The following GRM7 variants were observed in gnomAD, a reference collection of about 807,000 sequenced individuals.
GRM7 encodes metabotropic glutamate receptor 7.
Under a neutral mutation model 84.5 loss-of-function variants are expected in GRM7, and 35 were observed. The observed-to-expected ratio is 0.41, with a 90% CI of 0.32 to 0.55. GRM7 has a LOEUF of 0.55. GRM7 is among the 20% of genes least tolerant of loss of function. The probability of loss-of-function intolerance (pLI) is 0.19; values close to 1 mark genes in which losing one functional copy is unlikely to be tolerated. For synonymous variants in GRM7, 487 were observed against 455.1 expected (o/e 1.07, Z -0.89); for missense variants, 1,003 against 1,194.6 (o/e 0.84, Z 2.36).
intron 8 of GRM7, among the ~76,000 whole-genome samples, chr3:7,664,984 T>C (rs1199721613): frequency 6.6e-6 from 1 of 152,120 alleles, no homozygotes; most frequent in Non-Finnish European, 1.5e-5. Context: ...ATATTATTTA[T>C]TTTTCATTCT....
chr3:6,983,803 G>T (rs1305963759), intron 1 of GRM7, among the ~76,000 whole-genome samples: 14 of 145,872 alleles, frequency 9.6e-5, no homozygotes, highest in African/African-American at 3.5e-4. Flanking sequence ...CTTTTGTTTT[G>T]TTTTTTTTTT....
At chr3:7,006,097 G>C (rs1575121566) in intron 1 of GRM7, among the ~76,000 whole-genome samples, 1 of 152,110 alleles carries the variant, frequency 6.6e-6, no homozygotes, top group Admixed American at 6.6e-5. Context: ...CCCCCTCCTG[G>C]CTCTCCTCCA....
intron 2 of GRM7, among the ~76,000 whole-genome samples, chr3:7,191,823 A>G (rs941806425): frequency 6.6e-6 from 1 of 151,928 alleles, no homozygotes; most frequent in South Asian, 2.1e-4. Flanking sequence ...ACAAATCTTT[A>G]TGTGTGCTAA....
intron 1 of GRM7, among the ~76,000 whole-genome samples, chr3:6,887,463 GA>G (rs1448757882): frequency 8.9e-4 from 134 of 151,304 alleles, no homozygotes; most frequent in African/African-American, 3.1e-3. Context: ...TCCCACCTAT[GA>G]GTGAGAATAT....
At chr3:7,111,494 T>G (rs1306207737) in intron 1 of GRM7, among the ~76,000 whole-genome samples, 2 of 152,064 alleles carry the variant, frequency 1.3e-5, no homozygotes, top group African/African-American at 4.8e-5. Context: ...GGCAGGAGAA[T>G]GGAAGAAAGC....
At chr3:7,356,624 T>C (rs993698596) in intron 4 of GRM7, among the ~76,000 whole-genome samples, 4 of 152,074 alleles carry the variant, frequency 2.6e-5, no homozygotes, top group East Asian at 1.9e-4. Flanking sequence ...ATTTTAATAA[T>C]CAAGTAGATA....
In GRM7 at chr3:7,141,610, G is replaced by A. The variant is rs995951918; in HGVS notation, c.520-4842G>A. On this transcript the variant is annotated intron_variant, in intron 1 of 9. Transcript: ENST00000357716. The stretch of plus-strand genomic sequence containing the variant: ...AAGGCTAATAAGGAAAATTAAAAAC[G>A]TGATTATCCATGATCATGTTTAAAA... Among the ~76,000 whole-genome samples, 5 of 151,480 alleles carry A rather than the reference G, an allele frequency of 3.3e-5. No homozygotes were observed. The South Asian group carries it at 8.4e-4, about 25-fold the overall frequency.
Position 7,460,421 on chromosome 3 carries a change from G to A in GRM7, c.1376-1162G>A, listed in dbSNP as rs1309870381. 5.9e-5 allele frequency among the ~76,000 whole-genome samples: 9 copies of A among 151,888 alleles called. 1 individual carries two copies. In the East Asian group the frequency reaches 7.7e-4, roughly 13 times the overall value. Reference sequence around the variant, plus strand: ...TTTTTTATTTTCCAAACAGCAAGCTGGGGCTCACATTGGGAGAGGGTACTG... The same window carrying A: ...TTTTTTATTTTCCAAACAGCAAGCTAGGGCTCACATTGGGAGAGGGTACTG... On this transcript the variant is annotated intron_variant, in intron 6 of 9. Coordinates refer to ENST00000357716, the MANE Select transcript of GRM7 (RefSeq NM_000844.4).
chr3:7,732,663 C>T (rs548195438), intron 9 of GRM7, among the ~76,000 whole-genome samples: 7 of 152,112 alleles, frequency 4.6e-5, no homozygotes, highest in Non-Finnish European at 8.8e-5. Flanking sequence ...TTTATGAGAA[C>T]GTTCATTAGA....
At chr3:7,211,779 G>A (rs761285771) in intron 2 of GRM7, among the ~76,000 whole-genome samples, 2 of 151,946 alleles carry the variant, frequency 1.3e-5, no homozygotes, top group Non-Finnish European at 2.9e-5. Context: ...CGGACTTAAT[G>A]ACACAAATAA....
At chr3:7,671,527 T>G (rs1490637357) in intron 8 of GRM7, among the ~76,000 whole-genome samples, 2 of 151,354 alleles carry the variant, frequency 1.3e-5, no homozygotes, top group African/African-American at 4.9e-5. Context: ...GTGTGTAGCC[T>G]TAATATCATG....
At chr3:7,442,327 G>GA (rs1486827354) in intron 5 of GRM7, among the ~76,000 whole-genome samples, 1 of 152,100 alleles carries the variant, frequency 6.6e-6, no homozygotes, top group Non-Finnish European at 1.5e-5. Flanking sequence ...TTTGTATCCA[G>GA]AAACTTTGCT....
chr3:7,207,370 C>T (rs1364870447), intron 2 of GRM7, among the ~76,000 whole-genome samples: 1 of 152,180 alleles, frequency 6.6e-6, no homozygotes, highest in East Asian at 1.9e-4. Context: ...AATGACTGAG[C>T]TTGCCAAGTG....
chr3:7,673,252 A>T (rs1023912811), intron 8 of GRM7, among the ~76,000 whole-genome samples: 2 of 152,218 alleles, frequency 1.3e-5, no homozygotes, highest in East Asian at 3.9e-4. Context: ...TACAAATAAT[A>T]GCTTTTCTTG....
intron 1 of GRM7, among the ~76,000 whole-genome samples, chr3:6,960,012 G>A (rs974120928): frequency 1.3e-5 from 2 of 152,136 alleles, no homozygotes; most frequent in Admixed American, 6.5e-5. Context: ...ATTAGATTTA[G>A]GAAGTTTCTG....
At chr3:7,058,940 A>T (rs1354710641) in intron 1 of GRM7, among the ~76,000 whole-genome samples, 2 of 151,908 alleles carry the variant, frequency 1.3e-5, no homozygotes, top group African/African-American at 4.8e-5. Flanking sequence ...ACAGGCTATG[A>T]CCTAATGCTT....
chr3:7,204,762 G>A (rs962009382), intron 2 of GRM7, among the ~76,000 whole-genome samples: 8 of 152,184 alleles, frequency 5.3e-5, no homozygotes, highest in Non-Finnish European at 7.3e-5. Context: ...GGAAAATACC[G>A]GATCCAGTAC....
chr3:6,924,793 G>A (rs1405965544), intron 1 of GRM7, among the ~76,000 whole-genome samples: 1 of 152,154 alleles, frequency 6.6e-6, no homozygotes, highest in Non-Finnish European at 1.5e-5. Flanking sequence ...CACAATGTCA[G>A]TAGAAGGGAT....
intron 8 of GRM7, among the ~76,000 whole-genome samples, chr3:7,597,723 G>A (rs918077234): frequency 2.0e-5 from 3 of 152,090 alleles, no homozygotes; most frequent in Non-Finnish European, 4.4e-5. Context: ...AGATCTTAAA[G>A]TATGTTTTTT....
Sources: gnomAD v4.1 joint callset for allele counts (sites outside exome capture counted in the v4.1 genomes callset) on GRCh38, gnomAD v4.1.1 for gene constraint, MANE v1.5 for transcripts, NCBI Gene and HGNC (gene_info 2026-07-23, HGNC 2026-07-21) for gene names.